CD47: variants seen among roughly 807,000 people sequenced by gnomAD.
CD47 encodes leukocyte surface antigen CD47.
In CD47, 11 loss-of-function variants were observed where a neutral mutation model predicts 44.6. That is an observed-to-expected ratio of 0.25 (90% CI 0.16 to 0.41). The LOEUF is 0.41. CD47 is among the 10% of genes least tolerant of loss of function. The probability of loss-of-function intolerance (pLI) is 1.00; values close to 1 mark genes in which losing one functional copy is unlikely to be tolerated. For synonymous variants in CD47, 140 were observed against 136.3 expected (o/e 1.03, Z -0.19); for missense variants, 306 against 386.7 (o/e 0.79, Z 1.75).
chr3:108,064,489 C>T lies in CD47; in HGVS notation c.491-3637G>A, dbSNP rs997988207. Among the ~76,000 whole-genome samples the T allele has an allele frequency of 3.9e-5, 6 of 152,208 alleles. 1 individual carries two copies. The South Asian group carries it at 1.2e-3, about 32-fold the overall frequency. On this transcript the variant is annotated intron_variant, in intron 3 of 10. Coordinates refer to ENST00000361309, the MANE Select transcript of CD47 (RefSeq NM_001777.4). ...TTCTGATTTTGTGACCAATAGACAGCACATACAAGATAAAATGCAGGTTGT... is the reference window on the plus strand; with the variant it reads ...TTCTGATTTTGTGACCAATAGACAGTACATACAAGATAAAATGCAGGTTGT...
chr3:108,057,495 C>G lies in CD47; in HGVS notation c.859G>C (p.Val287Leu). Residue 287 changes from valine (V) to leucine (L), a missense_variant, in exon 7 of 11, where the codon GTT becomes CTT. Physicochemically the swap from Val to Leu is conservative, Grantham distance 32. Around this residue, in one of 5 missense-constraint regions of CD47, gnomAD observed 131 missense variants for 135.3 expected, o/e 0.97. Transcript: ENST00000361309. ...ILALAQLLGL[V>L]YMKFVASNQK... is the part of the protein sequence containing the mutation. Reference sequence around the variant, plus strand: ...GACTTACCCACAAATTTCATATAAACTAGTCCAAGTAATTGTGCTAGAGCT... The same window carrying G: ...GACTTACCCACAAATTTCATATAAAGTAGTCCAAGTAATTGTGCTAGAGCT... The G allele has an allele frequency of 6.5e-7, 1 of 1,534,792 alleles. No individual in the cohort carries two copies.
chr3:108,075,445 T>TACAC (rs138231748), intron 2 of CD47, among the ~76,000 whole-genome samples: 2 of 150,950 alleles, frequency 1.3e-5, no homozygotes, highest in African/African-American at 2.4e-5. Context: ...AACACCAGGT[T>TACAC]ACACACACAC....
At chr3:108,078,519 C>T (rs993425075) in intron 2 of CD47, among the ~76,000 whole-genome samples, 1 of 151,436 alleles carries the variant, frequency 6.6e-6, no homozygotes, top group African/African-American at 2.4e-5. Flanking sequence ...TTGTACATTA[C>T]CTCAGAAAAA....
Position 108,044,448 on chromosome 3 carries a change from CAAAAAAAAAAA to C in CD47, c.*2829_*2839del, listed in dbSNP as rs869104856. ...AAAAAAAAAAAAAAAAAAAAAAAAA[CAAAAAAAAAAA>C]ACAGAAAGAAAGAAAACTCTCAAGC... On this transcript the variant is annotated 3_prime_UTR_variant, in exon 11 of 11. Transcript: ENST00000361309. 1.7e-5 allele frequency: 1 copy of C among 60,206 alleles called. No homozygotes were observed. Among genetic ancestry groups the C allele is most frequent in the African/African-American group, 5.4e-5 (1 of 18,546 alleles). 3.7% of individuals were successfully genotyped at this position (60,206 alleles called of 1,614,324 possible).
chr3:108,075,356 A>G (rs558659315), intron 2 of CD47, among the ~76,000 whole-genome samples: 1 of 152,188 alleles, frequency 6.6e-6, no homozygotes, highest in African/African-American at 2.4e-5. Context: ...ATCACTGTAC[A>G]AAAATGAGAC....
intron 1 of CD47, among the ~76,000 whole-genome samples, chr3:108,090,577 G>C (rs1322891422): frequency 2.0e-5 from 3 of 152,158 alleles, no homozygotes; most frequent in African/African-American, 7.2e-5. Flanking sequence ...GCGGTTTGGA[G>C]TCTTCCTGTG....
chr3:108,060,749 G>A lies in CD47; in HGVS notation c.594C>T (p.Val198=). ...VIVIVGAILF[V]PGEYSLKNAT... ...CCTAGGAACTGCACATCTTACCTGG[G>A]ACGAAAAGAATGGCTCCAACAATGA... Residue 198 remains valine, a synonymous_variant, in exon 4 of 11, where the codon GTC becomes GTT. Coordinates refer to ENST00000361309, the MANE Select transcript of CD47 (RefSeq NM_001777.4). The A allele has an allele frequency of 1.9e-6, 3 of 1,608,396 alleles. No homozygotes were observed. Among genetic ancestry groups the A allele is most frequent in the Non-Finnish European group, 2.6e-6 (3 of 1,175,034 alleles).
chr3:108,069,900 C>CTAAGAGATTA (rs1423031941), intron 3 of CD47, among the ~76,000 whole-genome samples: 1 of 152,112 alleles, frequency 6.6e-6, no homozygotes, highest in East Asian at 1.9e-4. Context: ...ACATAAAAAA[C>CTAAGAGATTA]TAAGAGATTA....
At chr3:108,090,204 G>A (rs1221867160) in intron 1 of CD47, among the ~76,000 whole-genome samples, 1 of 152,036 alleles carries the variant, frequency 6.6e-6, no homozygotes, top group Non-Finnish European at 1.5e-5. Context: ...TGAGGGTCAC[G>A]AGAAAGGAAG....
intron 9 of CD47, among the ~76,000 whole-genome samples, chr3:108,050,153 CT>C (rs2078800898): frequency 6.6e-6 from 1 of 152,094 alleles, no homozygotes; most frequent in Admixed American, 6.5e-5. Flanking sequence ...GAGTCTCACT[CT>C]GTCACCAGGC....
chr3:108,043,541 C>T lies in CD47; in HGVS notation c.*3747G>A, dbSNP rs530081557. On this transcript the variant is annotated 3_prime_UTR_variant, in exon 11 of 11. Transcript: ENST00000361309. ...CTGACAAATAGCACACCTTTAATTG[C>T]TATGCAAAAAAGCTCCAAGAGAGGA... 5 of 152,332 alleles carry T rather than the reference C, an allele frequency of 3.3e-5. No homozygotes were observed. Among genetic ancestry groups the T allele is most frequent in the Non-Finnish European group, 7.4e-5 (5 of 67,962 alleles). The allele number at this position is 152,332 out of a possible 1,614,324, so 9.4% of individuals were successfully genotyped here.
chr3:108,050,633 A>G, intron 8 of CD47, 31 bp from the exon 9 acceptor site: 1 of 795,234 alleles, frequency 1.3e-6, no homozygotes, highest in Non-Finnish European at 2.0e-6. Flanking sequence ...ATTTACATAA[A>G]AATATAATTT....
intron 4 of CD47, among the ~76,000 whole-genome samples, chr3:108,060,477 G>A (rs1393452212): frequency 6.6e-6 from 1 of 152,216 alleles, no homozygotes; most frequent in Non-Finnish European, 1.5e-5. Flanking sequence ...ACTAAGGAAT[G>A]ATAAACACTG....
intron 3 of CD47, among the ~76,000 whole-genome samples, chr3:108,065,903 A>G (rs2079099160): frequency 6.6e-6 from 1 of 151,646 alleles, no homozygotes; most frequent in Non-Finnish European, 1.5e-5. Context: ...ACCAGGTCAC[A>G]GAATGATTCT....
At chr3:108,072,387 A>G (rs1048845192) in intron 2 of CD47, among the ~76,000 whole-genome samples, 2 of 152,226 alleles carry the variant, frequency 1.3e-5, no homozygotes, top group African/African-American at 2.4e-5. Context: ...TTATAATGCT[A>G]TAATAAGTCC....
At chr3:108,082,411 T>C (rs757892730) in intron 1 of CD47, among the ~76,000 whole-genome samples, 18 of 152,054 alleles carry the variant, frequency 1.2e-4, no homozygotes, top group Non-Finnish European at 1.5e-4. Flanking sequence ...CCTGAGGATA[T>C]TGACCAATTT....
chr3:108,084,294 CT>C (rs2079476074), intron 1 of CD47, among the ~76,000 whole-genome samples: 1 of 152,128 alleles, frequency 6.6e-6, no homozygotes, highest in South Asian at 2.1e-4. Context: ...TCTGTCTTGA[CT>C]TTTCCACAGT....
At chr3:108,048,371 G>GATTTTT (rs1559971847) in intron 10 of CD47, among the ~76,000 whole-genome samples, 1 of 79,582 alleles carries the variant, frequency 1.3e-5, no homozygotes, top group Non-Finnish European at 2.3e-5. Flanking sequence ...TGACTGGAGT[G>GATTTTT]TTTTTTTTTT....
chr3:108,075,559 A>C (rs1391869522), intron 2 of CD47, among the ~76,000 whole-genome samples: 18 of 152,166 alleles, frequency 1.2e-4, no homozygotes, highest in Non-Finnish European at 1.5e-5. Context: ...TCGACTTGCT[A>C]GGCTACAGTC....
Sources: gnomAD v4.1 joint callset for allele counts (sites outside exome capture counted in the v4.1 genomes callset) on GRCh38, gnomAD v4.1.1 for gene constraint, gnomAD v4.1.1 regional missense constraint, MANE v1.5 for transcripts, NCBI Gene and HGNC (gene_info 2026-07-23, HGNC 2026-07-21) for gene names.